MORN1: variants seen among roughly 807,000 people sequenced by gnomAD.
The protein encoded by MORN1 is MORN repeat containing 1.
MORN1 carries 67 observed loss-of-function variants against 61.9 expected under a neutral mutation model. The observed-to-expected ratio is 1.08, with a 90% confidence interval of 0.89 to 1.33. MORN1 has a LOEUF of 1.33. Among genes scored for constraint, MORN1 ranks in the 40% most tolerant of loss-of-function variants. The pLI is 0.00. For missense variants in MORN1, 752 were observed against 691.2 expected (o/e 1.09, Z -0.99); for synonymous variants, 301 against 292.0 (o/e 1.03, Z -0.31).
chr1:2,357,435 G>A lies in MORN1; in HGVS notation c.1033C>T (p.Leu345Phe). The change falls in exon 10 of 14, where the codon CTT becomes TTT. Residue 345 changes from leucine to phenylalanine, a missense_variant. Coordinates refer to ENST00000378531, the MANE Select transcript of MORN1 (RefSeq NM_024848.3). The surrounding 1 kb of genome is among the most constrained non-coding windows in gnomAD (Gnocchi z 6.3). ...CTGGTTTGTGAGCTCCACTTACCAA[G>A]CAGGCCACCAGGGGTGTCCTCCTGG... ...HGQEDTPGGL[L>F]ARGHAPHCPG... 6.3e-7 allele frequency: 1 copy of A among 1,598,980 alleles called. No individual in the cohort carries two copies. Among genetic ancestry groups the A allele is most frequent in the Non-Finnish European group, 8.5e-7 (1 of 1,172,604 alleles).
At chr1:2,322,932 G>T (rs1640915045) in intron 13 of MORN1, 5 of 985,434 alleles carry the variant, frequency 5.1e-6, no homozygotes, top group Non-Finnish European at 6.0e-6. Flanking sequence ...ACGTGATCTA[G>T]CCCTGGGCCA....
At chr1:2,341,958 G>T (rs1641404517) in intron 10 of MORN1, among the ~76,000 whole-genome samples, 1 of 152,358 alleles carries the variant, frequency 6.6e-6, no homozygotes, top group South Asian at 2.1e-4. Flanking sequence ...AACCATTCGT[G>T]ATGGAGAGTG....
chr1:2,353,642 G>T (rs12142812), intron 10 of MORN1, among the ~76,000 whole-genome samples: 1 of 152,256 alleles, frequency 6.6e-6, no homozygotes, highest in Non-Finnish European at 1.5e-5. Flanking sequence ...CTGAAACTTA[G>T]AAATGATTCC....
intron 8 of MORN1, among the ~76,000 whole-genome samples, chr1:2,366,951 A>G (rs1008542263): frequency 5.9e-5 from 9 of 152,170 alleles, no homozygotes; most frequent in Non-Finnish European, 1.2e-4. Context: ...TATCAATAAT[A>G]TCAACAAAAT....
chr1:2,351,887 C>A, intron 10 of MORN1: 1 of 496,222 alleles, frequency 2.0e-6, no homozygotes, highest in Non-Finnish European at 3.9e-6. Context: ...ATCCAATGTC[C>A]ACAGTTAAAC....
At chr1:2,336,223 C>T (rs891963643) in intron 12 of MORN1, among the ~76,000 whole-genome samples, 36 of 152,170 alleles carry the variant, frequency 2.4e-4, no homozygotes, top group Admixed American at 1.9e-3. Flanking sequence ...TTGTGGTGAT[C>T]GAAGCAGATG....
chr1:2,328,270 C>T (rs1641078450), intron 12 of MORN1, among the ~76,000 whole-genome samples: 1 of 152,264 alleles, frequency 6.6e-6, no homozygotes, highest in African/African-American at 2.4e-5. Context: ...GGGCGGTTTG[C>T]AGCGGGGCTG....
chr1:2,363,224 G>A (rs1011961461), intron 8 of MORN1: 1 of 152,130 alleles, frequency 6.6e-6, no homozygotes, highest in Non-Finnish European at 1.5e-5. Flanking sequence ...CAGTTCTTAC[G>A]CATGAAGTAG....
At chr1:2,363,811 A>AAAAAAAAT (rs1199100386) in intron 8 of MORN1, among the ~76,000 whole-genome samples, 41 of 135,134 alleles carry the variant, frequency 3.0e-4, no homozygotes, top group Middle Eastern at 7.6e-3. Context: ...CAAACAAAAA[A>AAAAAAAAT]ATATATATAT....
intron 10 of MORN1, chr1:2,351,839 G>T: frequency 1.9e-6 from 1 of 522,842 alleles, no homozygotes; most frequent in Non-Finnish European, 3.7e-6. Context: ...GCAGCATCTT[G>T]CTACTCTTGC....
intron 6 of MORN1, among the ~76,000 whole-genome samples, chr1:2,381,866 T>C (rs765894501): frequency 2.6e-5 from 4 of 152,184 alleles, no homozygotes; most frequent in Non-Finnish European, 4.4e-5. Flanking sequence ...GGGGAGGAGC[T>C]GCCTCCCTCC....
intron 10 of MORN1, among the ~76,000 whole-genome samples, chr1:2,338,067 G>A (rs577237934): frequency 6.6e-6 from 1 of 152,240 alleles, no homozygotes; most frequent in South Asian, 2.1e-4. Context: ...GGGCCCCGGG[G>A]CAGCCCCCTC....
At chr1:2,371,848 C>T (rs946603070) in intron 8 of MORN1, 9 of 173,958 alleles carry the variant, frequency 5.2e-5, no homozygotes, top group African/African-American at 1.5e-4. Flanking sequence ...GCGGAGGTTG[C>T]GGAGAGCCGA....
intron 10 of MORN1, among the ~76,000 whole-genome samples, chr1:2,338,651 G>T (rs1404761006): frequency 6.6e-6 from 1 of 152,232 alleles, no homozygotes; most frequent in Non-Finnish European, 1.5e-5. Flanking sequence ...GGGGCAAGGT[G>T]GGAGTTTAGA....
intron 6 of MORN1, 164 bp from the exon 7 acceptor site, chr1:2,374,721 A>G (rs887949204): frequency 2.4e-5 from 14 of 583,890 alleles, no homozygotes; most frequent in African/African-American, 5.6e-5. Flanking sequence ...CTCGGTGGTG[A>G]GAAACTGTTT....
chr1:2,323,895 G>T, intron 13 of MORN1: 1 of 984,956 alleles, frequency 1.0e-6, no homozygotes. Flanking sequence ...TTTCTGGACC[G>T]TCCCCAGCCC....
chr1:2,332,380 A>G, intron 12 of MORN1: 1 of 345,118 alleles, frequency 2.9e-6, no homozygotes, highest in South Asian at 2.2e-5. Context: ...TTGCTCACGG[A>G]CTCCAGCATC....
chr1:2,365,148 G>C (rs1641972165), intron 8 of MORN1, among the ~76,000 whole-genome samples: 1 of 150,014 alleles, frequency 6.7e-6, no homozygotes, highest in Non-Finnish European at 1.5e-5. Flanking sequence ...AAATTACCTT[G>C]GGCAGTATGG....
In MORN1 at chr1:2,357,685, T is replaced by C; in HGVS notation, c.870-87A>G. ...ACAGCGTGGCCCACGCCCTGGACCCTGGGACTTGCCTACACTGAGTCCAGG... is the reference window on the plus strand; with the variant it reads ...ACAGCGTGGCCCACGCCCTGGACCCCGGGACTTGCCTACACTGAGTCCAGG... On this transcript the variant is annotated intron_variant, in intron 9 of 13. Coordinates refer to ENST00000378531, the MANE Select transcript of MORN1 (RefSeq NM_024848.3). The surrounding 1 kb of genome is among the most constrained non-coding windows in gnomAD (Gnocchi z 6.3). The C allele has an allele frequency of 4.8e-6, 7 of 1,456,046 alleles. No homozygotes were observed. The highest frequency in any genetic ancestry group is 4.6e-5 in the Admixed American group (2 of 43,442). The allele number at this position is 1,456,046 out of a possible 1,614,324, so 90.2% of individuals were successfully genotyped here.
Sources: allele counts gnomAD v4.1 joint callset (sites outside exome capture counted in the v4.1 genomes callset), GRCh38; gene constraint gnomAD v4.1.1; non-coding constraint Gnocchi (gnomAD v3.1); transcripts MANE v1.5; gene names NCBI Gene and HGNC (gene_info 2026-07-23, HGNC 2026-07-21).